KCTD9: variants seen among roughly 807,000 people sequenced by gnomAD.
KCTD9 encodes the protein BTB/POZ domain-containing protein KCTD9.
A neutral mutation model predicts 53.3 loss-of-function variants in KCTD9; 17 were observed. That is an observed-to-expected ratio of 0.32 (90% confidence interval 0.22 to 0.48). The LOEUF (loss-of-function observed/expected upper bound fraction) is 0.48. Ranked by LOEUF, KCTD9 falls within the 20% of genes least tolerant of loss-of-function variation. The probability of loss-of-function intolerance (pLI) is 0.99; values close to 1 mark genes in which losing one functional copy is unlikely to be tolerated. For missense variants in KCTD9, 179 were observed against 465.5 expected (o/e 0.38, Z 5.66); for synonymous variants, 128 against 162.7 (o/e 0.79, Z 1.62).
chr8:25,431,282 T>C (rs1401981985), intron 11 of KCTD9, among the ~76,000 whole-genome samples: 4 of 152,216 alleles, frequency 2.6e-5, no homozygotes, highest in African/African-American at 4.8e-5. Context: ...CTAGCCCTAG[T>C]ATTTTTATAG....
chr8:25,437,172 A>G (rs1267792070), intron 6 of KCTD9, among the ~76,000 whole-genome samples: 2 of 152,208 alleles, frequency 1.3e-5, no homozygotes, highest in Non-Finnish European at 1.5e-5. Context: ...TACAGGGTCC[A>G]CATTTCCCCT....
intron 8 of KCTD9, among the ~76,000 whole-genome samples, chr8:25,435,787 A>G (rs1252294660): frequency 1.3e-5 from 2 of 152,218 alleles, no homozygotes; most frequent in Admixed American, 6.5e-5. Flanking sequence ...GATCCCTGTT[A>G]GTCCTATACC....
At chr8:25,444,259 T>TTTTTG in intron 3 of KCTD9, 33 bp downstream of exon 3, 1 of 1,494,598 alleles carries the variant, frequency 6.7e-7, no homozygotes, top group Non-Finnish European at 9.1e-7. Flanking sequence ...TTTTTTTTTT[T>TTTTTG]GGCAGATAAA....
chr8:25,431,561 C>G (rs1246254661), intron 11 of KCTD9, among the ~76,000 whole-genome samples: 1 of 152,052 alleles, frequency 6.6e-6, no homozygotes, highest in Non-Finnish European at 1.5e-5. Flanking sequence ...TCTTTGCAAT[C>G]AGAGAGAGGG....
chr8:25,434,578 A>G (rs1801985989), intron 9 of KCTD9, among the ~76,000 whole-genome samples: 1 of 152,106 alleles, frequency 6.6e-6, no homozygotes, highest in South Asian at 2.1e-4. Flanking sequence ...GATAAGACAG[A>G]ATAAAGGACA....
At chr8:25,437,784 G>GT (rs1291432828) in intron 6 of KCTD9, among the ~76,000 whole-genome samples, 1 of 143,422 alleles carries the variant, frequency 7.0e-6, no homozygotes, top group Non-Finnish European at 1.5e-5. Context: ...GGAGGCATAG[G>GT]TTGCAGTGAG....
At chr8:25,442,401 A>C (rs1048629963) in intron 3 of KCTD9, among the ~76,000 whole-genome samples, 6 of 152,344 alleles carry the variant, frequency 3.9e-5, no homozygotes, top group Non-Finnish European at 8.8e-5. Context: ...TTCAAAGAAA[A>C]ATAATGTGAA....
chr8:25,449,259 A>G (rs997399496), intron 1 of KCTD9, among the ~76,000 whole-genome samples: 32 of 152,240 alleles, frequency 2.1e-4, no homozygotes, highest in African/African-American at 7.7e-4. Flanking sequence ...TTCTTGGCAT[A>G]GTTGCCATCA....
At chr8:25,456,300 T>C (rs1410782860) in intron 1 of KCTD9, among the ~76,000 whole-genome samples, 1 of 152,250 alleles carries the variant, frequency 6.6e-6, no homozygotes, top group African/African-American at 2.4e-5. Context: ...TTCTATTCTA[T>C]TTGAGTAGCA....
rs200467071 is a variant in KCTD9 at position 25,440,570 on chromosome 8, C to T, written c.311+7G>A. 6.5e-4 allele frequency: 1,026 copies of T among 1,575,476 alleles called. No homozygotes were observed. The highest frequency in any genetic ancestry group is 8.2e-4 in the Non-Finnish European group (938 of 1,145,554). On this transcript the variant is annotated splice_region_variant and intron_variant, in intron 4 of 11. Coordinates refer to ENST00000221200, the MANE Select transcript of KCTD9 (RefSeq NM_017634.4). ...TCTCTTTCTAACACACATACACACA[C>T]ACCTACCGTGTAGTTGTAAAGTACC... is the stretch of plus-strand genomic sequence containing the variant.
chr8:25,431,650 T>G (rs1028839160), intron 11 of KCTD9, among the ~76,000 whole-genome samples: 1 of 152,188 alleles, frequency 6.6e-6, no homozygotes, highest in African/African-American at 2.4e-5. Flanking sequence ...GAAAGTAATG[T>G]AACAAACAAT....
chr8:25,457,221 TA>T (rs1563252171), intron 1 of KCTD9: 1 of 286,606 alleles, frequency 3.5e-6, no homozygotes, highest in African/African-American at 2.3e-5. Flanking sequence ...TTTCACTATT[TA>T]AAAATTTACA....
At chr8:25,432,685 T>C in intron 10 of KCTD9, 48 bp from the exon 11 acceptor site, 3 of 1,551,076 alleles carry the variant, frequency 1.9e-6, no homozygotes, top group Non-Finnish European at 2.6e-6. Flanking sequence ...AATATAGTTA[T>C]CTACCTTCAA....
chr8:25,451,672 T>C (rs1440697356), intron 1 of KCTD9: 1 of 152,216 alleles, frequency 6.6e-6, no homozygotes, highest in East Asian at 1.9e-4. Flanking sequence ...AAGCTGCCTA[T>C]GAGTTGGAGA....
At position 25,429,202 on chromosome 8, in the gene KCTD9, T is replaced by G. The variant is rs1563243563; in HGVS notation, c.*655A>C. ...ATGACAGTGATGTACAATGATGTCT[T>G]TCTTTCCACTCTGTCTCAATCAGTA... On this transcript the variant is annotated 3_prime_UTR_variant, in exon 12 of 12. Transcript: ENST00000221200. 6.6e-6 allele frequency: 1 copy of G among 152,384 alleles called. No individual in the cohort carries two copies. Among genetic ancestry groups the G allele is most frequent in the African/African-American group, 2.4e-5 (1 of 41,446 alleles). 9.4% of individuals were successfully genotyped at this position (152,384 alleles called of 1,614,324 possible).
chr8:25,433,229 C>T, intron 10 of KCTD9, 101 bp downstream of exon 10: 1 of 580,612 alleles, frequency 1.7e-6, no homozygotes, highest in East Asian at 3.0e-5. Flanking sequence ...AACCTATCCC[C>T]TACAGCTATC....
chr8:25,431,647 A>G (rs1283245137), intron 11 of KCTD9, among the ~76,000 whole-genome samples: 1 of 152,204 alleles, frequency 6.6e-6, no homozygotes, highest in African/African-American at 2.4e-5. Flanking sequence ...GGTGAAAGTA[A>G]TGTAACAAAC....
rs1387888924 is a variant in KCTD9 at position 25,428,580 on chromosome 8, T to C, written c.*1277A>G. 1.1e-4 allele frequency: 16 copies of C among 152,374 alleles called. No homozygotes were observed. The highest frequency in any genetic ancestry group is 1.0e-3 in the Admixed American group (16 of 15,256). 9.4% of individuals were successfully genotyped at this position (152,374 alleles called of 1,614,324 possible). On this transcript the variant is annotated 3_prime_UTR_variant, in exon 12 of 12. Transcript: ENST00000221200. Reference sequence around the variant, plus strand: ...GTAGAAAATAAGGACACCAAGTCATTGGTAGGGAGGTACAGGCCCTTCCTC... The same window carrying C: ...GTAGAAAATAAGGACACCAAGTCATCGGTAGGGAGGTACAGGCCCTTCCTC...
intron 6 of KCTD9, among the ~76,000 whole-genome samples, chr8:25,438,266 A>T (rs897801284): frequency 5.3e-5 from 8 of 152,028 alleles, no homozygotes; most frequent in African/African-American, 1.9e-4. Flanking sequence ...GAATTTAGTT[A>T]TAAAGTTATA....
Sources: allele counts gnomAD v4.1 joint callset (sites outside exome capture counted in the v4.1 genomes callset), GRCh38; gene constraint gnomAD v4.1.1; transcripts MANE v1.5; gene names NCBI Gene and HGNC (gene_info 2026-07-23, HGNC 2026-07-21).